Variants in UPK1A observed in about 807,000 individuals in gnomAD.
The protein encoded by UPK1A is uroplakin 1A, also known as uroplakin-1a.
UPK1A carries 31 observed loss-of-function variants against 32.3 expected under a neutral mutation model. The ratio of observed to expected loss-of-function variants is 0.96; its 90% CI spans 0.72 to 1.30. The LOEUF is 1.30. Ranked by LOEUF, UPK1A falls within the 50% of genes most tolerant of loss-of-function variation. The probability of loss-of-function intolerance (pLI) is 0.00; values close to 1 mark genes in which losing one functional copy is unlikely to be tolerated. For missense variants in UPK1A, 340 were observed against 357.4 expected (o/e 0.95, Z 0.39); for synonymous variants, 135 against 137.1 (o/e 0.98, Z 0.11).
exon 6 of UPK1A, chr19:35,675,853 G>C (rs199750850): frequency 1.9e-6 from 3 of 1,611,464 alleles, no homozygotes; most frequent in African/African-American, 1.3e-5. Context: ...GAATGCTGTG[G>C]CACATCTGGT....
chr19:35,671,303 C>T (rs1282343077), intron 3 of UPK1A, among the ~76,000 whole-genome samples: 3 of 144,552 alleles, frequency 2.1e-5, no homozygotes, highest in African/African-American at 7.7e-5. Context: ...AGGAGAATGG[C>T]GTGAACCCGG....
chr19:35,677,083 G>A (rs967181144), intron 6 of UPK1A, among the ~76,000 whole-genome samples: 2 of 151,932 alleles, frequency 1.3e-5, no homozygotes, highest in Admixed American at 1.3e-4. Context: ...AATTAGCCAG[G>A]CGTGGTGGTG....
At chr19:35,671,199 T>C (rs957327935) in intron 3 of UPK1A, among the ~76,000 whole-genome samples, 14 of 151,722 alleles carry the variant, frequency 9.2e-5, no homozygotes, top group Non-Finnish European at 1.9e-4. Context: ...CCTTCCTGGC[T>C]AACACGGTGA....
chr19:35,674,972 G>T (rs1968159070), intron 5 of UPK1A, among the ~76,000 whole-genome samples: 1 of 151,604 alleles, frequency 6.6e-6, no homozygotes, highest in African/African-American at 2.4e-5. Flanking sequence ...AACCCAGGAG[G>T]GGGAGGTTGC....
At chr19:35,673,104 A>C in intron 3 of UPK1A, 128 bp from the exon 4 acceptor site, 1 of 791,580 alleles carries the variant, frequency 1.3e-6, no homozygotes, top group Non-Finnish European at 2.1e-6. Context: ...CCCACCACAT[A>C]TTATAGATGC....
chr19:35,678,175 GC>G (rs1968212774), exon 8 of UPK1A: 1 of 962,996 alleles, frequency 1.0e-6, no homozygotes, highest in East Asian at 2.7e-5. Flanking sequence ...AGGTTCCTGA[GC>G]CCTACTGTGT....
chr19:35,671,248 G>A (rs539380346), intron 3 of UPK1A, among the ~76,000 whole-genome samples: 144 of 150,712 alleles, frequency 9.6e-4, no homozygotes, highest in Non-Finnish European at 1.8e-3. Flanking sequence ...TTAACCAGGC[G>A]TGGTGGCGGG....
chr19:35,673,586 C>T lies in UPK1A; in HGVS notation c.468+41C>T, dbSNP rs770417469. ...CGGGTGCTGGGAGGGCCCTGGGCTC[C>T]GTCCACAGAGGCCGATAGAGCTCCC... On this transcript the variant is annotated intron_variant, in intron 5 of 7. Coordinates refer to ENST00000617999, the Ensembl canonical transcript of UPK1A. 4 of 1,584,076 alleles carry T rather than the reference C, an allele frequency of 2.5e-6. No individual in the cohort carries two copies. The Admixed American group carries it at 5.1e-5, about 20-fold the overall frequency.
chr19:35,666,593 G>T, intron 1 of UPK1A, 55 bp downstream of exon 1: 1 of 561,708 alleles, frequency 1.8e-6, no homozygotes, highest in South Asian at 2.0e-5. Context: ...GAGGCTCAGG[G>T]AGGGGCAGTG....
intron 6 of UPK1A, among the ~76,000 whole-genome samples, chr19:35,676,785 G>A (rs1968188800): frequency 6.6e-6 from 1 of 151,854 alleles, no homozygotes; most frequent in Non-Finnish European, 1.5e-5. Flanking sequence ...TGTAATCCCA[G>A]CTACTCGGGA....
At chr19:35,677,094 C>A (rs79861300) in intron 6 of UPK1A, among the ~76,000 whole-genome samples, 1 of 151,610 alleles carries the variant, frequency 6.6e-6, no homozygotes, top group African/African-American at 2.4e-5. Context: ...CGTGGTGGTG[C>A]GCGCCTGTAA....
At chr19:35,676,511 T>C (rs1968185742) in intron 6 of UPK1A, among the ~76,000 whole-genome samples, 1 of 151,712 alleles carries the variant, frequency 6.6e-6, no homozygotes, top group African/African-American at 2.4e-5. Context: ...TTTCTAGTGC[T>C]CCCCCAACTC....
At chr19:35,673,407 G>A (rs377729152) in intron 4 of UPK1A, 31 bp from the exon 5 acceptor site, 2 of 1,612,190 alleles carry the variant, frequency 1.2e-6, no homozygotes, top group Non-Finnish European at 1.7e-6. Context: ...ACCCAGCCCT[G>A]CCGGCCCTTG....
chr19:35,668,277 T>A, intron 2 of UPK1A, 177 bp from the exon 3 acceptor site: 1 of 737,152 alleles, frequency 1.4e-6, no homozygotes, highest in Non-Finnish European at 2.2e-6. Flanking sequence ...GGCTGGGCTG[T>A]CTCTTCTCTC....
chr19:35,674,221 A>AT (rs75531382), intron 5 of UPK1A, among the ~76,000 whole-genome samples: 146 of 125,974 alleles, frequency 1.2e-3, no homozygotes, highest in African/African-American at 3.6e-3. Flanking sequence ...CTCAAAGCAC[A>AT]TTTTTTTTTT....
At chr19:35,666,568 T>A in intron 1 of UPK1A, 30 bp downstream of exon 1, 1 of 524,874 alleles carries the variant, frequency 1.9e-6, no homozygotes, top group Non-Finnish European at 3.4e-6. Context: ...AGTCTGGGTA[T>A]GGCATGAGGG....
rs755030100 is a variant in UPK1A, at chr19:35,666,941, G to A, written c.84+45G>A. 9.4e-5 allele frequency: 151 copies of A among 1,602,804 alleles called. 2 individuals are homozygous for A. The South Asian group carries it at 1.6e-3, about 16-fold the overall frequency. On this transcript the variant is annotated intron_variant, in intron 2 of 7. Coordinates refer to ENST00000617999, the Ensembl canonical transcript of UPK1A. ...TGGGAGCCGAGTGGTTGTGTGGTGG[G>A]GAGGGGACAGTCCTGAGCTCGGGGT...
intron 5 of UPK1A, 56 bp downstream of exon 5, chr19:35,673,601 A>G (rs1279693855): frequency 6.6e-7 from 1 of 1,507,138 alleles, no homozygotes; most frequent in East Asian, 2.3e-5. Context: ...ACAGAGGCCG[A>G]TAGAGCTCCC....
At chr19:35,677,745 G>A (rs1049381051) in intron 6 of UPK1A, 67 bp from the exon 7 acceptor site, 1 of 1,591,164 alleles carries the variant, frequency 6.3e-7, no homozygotes, top group African/African-American at 1.3e-5. Context: ...AGGGCGCACA[G>A]TGACTCTCGC....
Sources: allele counts gnomAD v4.1 joint callset (sites outside exome capture counted in the v4.1 genomes callset), GRCh38; gene constraint gnomAD v4.1.1; transcripts MANE v1.5; gene names NCBI Gene and HGNC (gene_info 2026-07-23, HGNC 2026-07-21).